Variants in CHRM3 observed in about 807,000 individuals in gnomAD.
CHRM3 encodes muscarinic acetylcholine receptor M3.
In CHRM3, 11 loss-of-function variants were observed where a neutral mutation model predicts 41.8. The ratio of observed to expected loss-of-function variants is 0.26; its 90% CI spans 0.17 to 0.44. CHRM3 has a LOEUF of 0.44. Among genes scored for constraint, CHRM3 ranks in the 20% least tolerant of loss-of-function variants. The pLI is 1.00. For synonymous variants in CHRM3, 297 were observed against 301.4 expected (o/e 0.99, Z 0.15); for missense variants, 571 against 745.4 (o/e 0.77, Z 2.72).
chr1:239,701,478 C>G (rs975886403), intron 5 of CHRM3, among the ~76,000 whole-genome samples: 4 of 152,166 alleles, frequency 2.6e-5, no homozygotes, highest in Non-Finnish European at 5.9e-5. Context: ...AAGATCTGTC[C>G]TTAAAATGAC....
chr1:239,425,203 T>C (rs1662271292), intron 1 of CHRM3, among the ~76,000 whole-genome samples: 1 of 152,184 alleles, frequency 6.6e-6, no homozygotes, highest in Admixed American at 6.5e-5. Flanking sequence ...CAGGACTCAG[T>C]CTGTTGGGCC....
At chr1:239,631,351 A>G (rs1465959703) in intron 3 of CHRM3, among the ~76,000 whole-genome samples, 1 of 152,082 alleles carries the variant, frequency 6.6e-6, no homozygotes, top group Admixed American at 6.6e-5. Context: ...ATGCACCTCT[A>G]GGATCCTTCT....
chr1:239,576,506 GC>G (rs1662357350), intron 3 of CHRM3, among the ~76,000 whole-genome samples: 1 of 151,812 alleles, frequency 6.6e-6, no homozygotes, highest in South Asian at 2.1e-4. Flanking sequence ...GCTTTGGGAG[GC>G]CAAGGCAGGA....
Position 239,912,297 on chromosome 1 carries a change from C to T in CHRM3, c.*3073C>T, listed in dbSNP as rs1293896921. Reference sequence around the variant, plus strand: ...TCCCTCGGCTCTGCTCTCCTTTGCCCATCAGCTCCCTGTGGCCTCTATGCT... The same window carrying T: ...TCCCTCGGCTCTGCTCTCCTTTGCCTATCAGCTCCCTGTGGCCTCTATGCT... On this transcript the variant is annotated 3_prime_UTR_variant, in exon 7 of 7. Coordinates refer to ENST00000676153, the MANE Select transcript of CHRM3 (RefSeq NM_001375978.1). 2 of 167,194 alleles carry T rather than the reference C, an allele frequency of 1.2e-5. No homozygotes were observed. Among genetic ancestry groups the T allele is most frequent in the Non-Finnish European group, 2.9e-5 (2 of 68,216 alleles). The allele number at this position is 167,194 out of a possible 1,614,324, so 10.4% of individuals were successfully genotyped here. A position where few individuals can be genotyped will look rare whatever the true frequency, so the allele number is the denominator to read the frequency against.
intron 2 of CHRM3, among the ~76,000 whole-genome samples, chr1:239,538,943 A>G (rs1658468837): frequency 6.6e-6 from 1 of 152,200 alleles, no homozygotes; most frequent in Non-Finnish European, 1.5e-5. Flanking sequence ...ATGAAATATA[A>G]CTTTAGGATT....
At chr1:239,485,555 C>T (rs542527457) in intron 1 of CHRM3, among the ~76,000 whole-genome samples, 1 of 152,246 alleles carries the variant, frequency 6.6e-6, no homozygotes, top group South Asian at 2.1e-4. Context: ...GGTGGGATTA[C>T]AGGCATGAGC....
intron 5 of CHRM3, among the ~76,000 whole-genome samples, chr1:239,777,447 T>A (rs1668179528): frequency 6.6e-6 from 1 of 152,214 alleles, no homozygotes; most frequent in Admixed American, 6.5e-5. Flanking sequence ...TCTATAAAAA[T>A]TTGTTCTGGA....
chr1:239,513,456 C>A (rs909280223), intron 2 of CHRM3, among the ~76,000 whole-genome samples: 4 of 151,860 alleles, frequency 2.6e-5, no homozygotes, highest in Non-Finnish European at 5.9e-5. Context: ...GGATTTGGCC[C>A]ATGTTTTAAT....
At chr1:239,495,695 A>G (rs141340132) in intron 2 of CHRM3, among the ~76,000 whole-genome samples, 1 of 152,164 alleles carries the variant, frequency 6.6e-6, no homozygotes, top group Non-Finnish European at 1.5e-5. Flanking sequence ...TTCCCCTTAT[A>G]GAATGGGGAT....
chr1:239,503,288 C>G (rs1397257889), intron 2 of CHRM3, among the ~76,000 whole-genome samples: 1 of 152,074 alleles, frequency 6.6e-6, no homozygotes, highest in Non-Finnish European at 1.5e-5. Flanking sequence ...AAAGTCAAAT[C>G]AAGAACTCAA....
chr1:239,775,858 T>A (rs1035763045), intron 5 of CHRM3, among the ~76,000 whole-genome samples: 1 of 152,174 alleles, frequency 6.6e-6, no homozygotes, highest in African/African-American at 2.4e-5. Flanking sequence ...AAAGAAAGTT[T>A]CTGTACAGGT....
chr1:239,737,173 A>C (rs1302411689), intron 5 of CHRM3, among the ~76,000 whole-genome samples: 1 of 152,164 alleles, frequency 6.6e-6, no homozygotes, highest in Non-Finnish European at 1.5e-5. Flanking sequence ...ACTTAAAACC[A>C]TTGGTCATCA....
At chr1:239,687,049 A>G (rs1659212636) in intron 5 of CHRM3, among the ~76,000 whole-genome samples, 3 of 151,986 alleles carry the variant, frequency 2.0e-5, no homozygotes, top group Non-Finnish European at 4.4e-5. Context: ...TTATCCATTC[A>G]TTCAATATGT....
chr1:239,447,310 GA>G (rs1050564499), intron 1 of CHRM3, among the ~76,000 whole-genome samples: 20 of 151,084 alleles, frequency 1.3e-4, no homozygotes, highest in African/African-American at 3.6e-4. Flanking sequence ...AACTTCATAA[GA>G]AAAAAAACGG....
intron 5 of CHRM3, among the ~76,000 whole-genome samples, chr1:239,805,974 A>G (rs1049778307): frequency 4.6e-5 from 7 of 152,202 alleles, no homozygotes; most frequent in South Asian, 2.1e-4. Flanking sequence ...AAACAAAACA[A>G]AACAGGAATC....
rs138191578 is a variant in CHRM3 at position 239,728,722 on chromosome 1, A to T, written c.-147+50434A>T. Among the ~76,000 whole-genome samples, 1,359 of 152,022 alleles carry T rather than the reference A, an allele frequency of 8.9e-3. 18 individuals are homozygous for T. The highest frequency in any genetic ancestry group is 0.031 in the African/African-American group (1,288 of 41,534). On this transcript the variant is annotated intron_variant, in intron 5 of 6. Transcript: ENST00000676153. ...TCACAAGGTCTCTGCTTTTCATTCT[A>T]ACTTCTACTCAAGGATCTACTAAAC...
intron 1 of CHRM3, among the ~76,000 whole-genome samples, chr1:239,397,544 T>A (rs1659591278): frequency 6.6e-6 from 1 of 151,714 alleles, no homozygotes; most frequent in Non-Finnish European, 1.5e-5. Flanking sequence ...TGCTGGCACA[T>A]GCATGTAGTC....
At chr1:239,414,554 G>A (rs181575533) in intron 1 of CHRM3, among the ~76,000 whole-genome samples, 1 of 152,298 alleles carries the variant, frequency 6.6e-6, no homozygotes, top group Admixed American at 6.5e-5. Context: ...TAGAAAAGCT[G>A]GAACAGAACA....
intron 1 of CHRM3, among the ~76,000 whole-genome samples, chr1:239,417,724 CAAG>C (rs1661614804): frequency 6.6e-6 from 1 of 151,442 alleles, no homozygotes; most frequent in Non-Finnish European, 1.5e-5. Context: ...TAGAAATTAA[CAAG>C]AAATTAATTC....
Sources: allele counts gnomAD v4.1 joint callset (sites outside exome capture counted in the v4.1 genomes callset), GRCh38; gene constraint gnomAD v4.1.1; transcripts MANE v1.5; gene names NCBI Gene and HGNC (gene_info 2026-07-23, HGNC 2026-07-21).